The following TBC1D22A variants were observed in gnomAD, a reference collection of about 807,000 sequenced individuals.
TBC1D22A encodes the protein putative GTPase activator.
In TBC1D22A, 38 loss-of-function variants were observed where a neutral mutation model predicts 60.2. That is an observed-to-expected ratio of 0.63 (90% confidence interval 0.49 to 0.83). The LOEUF is 0.83. TBC1D22A is among the 40% of genes least tolerant of loss of function. The pLI, the probability that TBC1D22A is intolerant of heterozygous loss-of-function variation, is 0.00. For missense variants in TBC1D22A, 628 were observed against 701.0 expected (o/e 0.90, Z 1.18); for synonymous variants, 302 against 281.7 (o/e 1.07, Z -0.72).
chr22:46,800,372 G>T (rs1345058029), intron 4 of TBC1D22A, among the ~76,000 whole-genome samples: 5 of 152,078 alleles, frequency 3.3e-5, no homozygotes, highest in African/African-American at 1.2e-4. Context: ...AAGGTAGATC[G>T]TGCTTACGGG....
At chr22:47,068,200 T>A (rs2063844945) in intron 11 of TBC1D22A, among the ~76,000 whole-genome samples, 1 of 152,232 alleles carries the variant, frequency 6.6e-6, no homozygotes, top group African/African-American at 2.4e-5. Context: ...GACCCTTGAC[T>A]GGGGTAGCCA....
chr22:47,048,428 C>G (rs1006289207), intron 11 of TBC1D22A, among the ~76,000 whole-genome samples: 1 of 152,136 alleles, frequency 6.6e-6, no homozygotes, highest in Non-Finnish European at 1.5e-5. Flanking sequence ...CGTCACTTGC[C>G]GAGACGGTGC....
intron 12 of TBC1D22A, among the ~76,000 whole-genome samples, chr22:47,134,334 C>T (rs1291296000): frequency 6.6e-6 from 1 of 152,220 alleles, no homozygotes; most frequent in Non-Finnish European, 1.5e-5. Flanking sequence ...ACTTTGCAGC[C>T]TTTTCAGGAC....
intron 12 of TBC1D22A, among the ~76,000 whole-genome samples, chr22:47,135,647 G>A (rs2066837955): frequency 6.6e-6 from 1 of 152,250 alleles, no homozygotes; most frequent in Non-Finnish European, 1.5e-5. Context: ...GCCATGGTGG[G>A]GAGGAGTTGA....
chr22:46,880,907 G>A (rs929908411), intron 5 of TBC1D22A, among the ~76,000 whole-genome samples: 4 of 152,134 alleles, frequency 2.6e-5, no homozygotes, highest in African/African-American at 7.2e-5. Flanking sequence ...AAAGCTTGTC[G>A]TTGCAAATGT....
At chr22:46,770,955 G>A (rs907244872) in intron 1 of TBC1D22A, among the ~76,000 whole-genome samples, 3 of 152,180 alleles carry the variant, frequency 2.0e-5, no homozygotes, top group Non-Finnish European at 2.9e-5. Flanking sequence ...GACGGGGGCC[G>A]CGGAAGAGCT....
intron 4 of TBC1D22A, among the ~76,000 whole-genome samples, chr22:46,848,830 G>A (rs1469891268): frequency 6.6e-6 from 1 of 151,776 alleles, no homozygotes; most frequent in Admixed American, 6.6e-5. Flanking sequence ...TTTTCCTTTG[G>A]TGTTTCTTTG....
At chr22:46,932,800 C>T (rs2071431204) in intron 8 of TBC1D22A, among the ~76,000 whole-genome samples, 1 of 142,236 alleles carries the variant, frequency 7.0e-6, no homozygotes, top group Non-Finnish European at 1.5e-5. Flanking sequence ...TCTTGGCTCA[C>T]TGCAACCTCT....
intron 11 of TBC1D22A, among the ~76,000 whole-genome samples, chr22:47,079,910 G>A (rs1450116047): frequency 6.6e-6 from 1 of 152,118 alleles, no homozygotes; most frequent in Non-Finnish European, 1.5e-5. Context: ...GTAATAACAT[G>A]GATAGAAAAA....
chr22:47,058,265 G>T (rs1219811052), intron 11 of TBC1D22A, among the ~76,000 whole-genome samples: 2 of 152,138 alleles, frequency 1.3e-5, no homozygotes, highest in Non-Finnish European at 2.9e-5. Flanking sequence ...CCCATGCCGT[G>T]CAGGCCTGGA....
At chr22:46,804,751 A>G (rs1241673041) in intron 4 of TBC1D22A, among the ~76,000 whole-genome samples, 1 of 152,226 alleles carries the variant, frequency 6.6e-6, no homozygotes, top group Non-Finnish European at 1.5e-5. Context: ...GAAACCTTTC[A>G]CTGTTCCTTC....
At position 47,051,197 on chromosome 22, in the gene TBC1D22A, G is replaced by T. The variant is rs183075053; in HGVS notation, c.1329+13999G>T. On this transcript the variant is annotated intron_variant, in intron 11 of 12. Coordinates refer to ENST00000337137, the MANE Select transcript of TBC1D22A (RefSeq NM_014346.5). ...GGAGCAGGGAGGAGTTCCCACCTCA[G>T]CTTCAGCAGAACATTCCAGTAATGT... 1.8e-3 allele frequency among the ~76,000 whole-genome samples: 274 copies of T among 152,282 alleles called. 1 individual carries two copies. The highest frequency in any genetic ancestry group is 5.3e-3 in the African/African-American group (221 of 41,562).
chr22:47,126,358 T>C (rs917611111), intron 12 of TBC1D22A, among the ~76,000 whole-genome samples: 3 of 152,230 alleles, frequency 2.0e-5, no homozygotes, highest in African/African-American at 7.2e-5. Flanking sequence ...CCCCTTCCCC[T>C]GTGGTTCCTG....
chr22:47,093,181 G>A (rs2065044769), intron 11 of TBC1D22A, among the ~76,000 whole-genome samples: 1 of 152,152 alleles, frequency 6.6e-6, no homozygotes, highest in South Asian at 2.1e-4. Context: ...GCGTGTGCAG[G>A]CGGTGCGGTA....
chr22:47,011,292 A>G (rs1022132043), intron 10 of TBC1D22A, among the ~76,000 whole-genome samples: 2 of 152,130 alleles, frequency 1.3e-5, no homozygotes, highest in African/African-American at 4.8e-5. Context: ...CGCAGCCTGC[A>G]GCTGTGCCTG....
At chr22:46,939,770 A>G (rs986907882) in intron 8 of TBC1D22A, among the ~76,000 whole-genome samples, 2 of 152,228 alleles carry the variant, frequency 1.3e-5, no homozygotes, top group African/African-American at 4.8e-5. Flanking sequence ...AGGAGCTAAA[A>G]CCGATTAGAG....
At chr22:47,056,759 C>G (rs539504271) in intron 11 of TBC1D22A, among the ~76,000 whole-genome samples, 1 of 152,356 alleles carries the variant, frequency 6.6e-6, no homozygotes, top group East Asian at 1.9e-4. Context: ...CCAGCAGGAA[C>G]TGTCTGAGCA....
intron 4 of TBC1D22A, among the ~76,000 whole-genome samples, chr22:46,873,198 A>G (rs1413072638): frequency 6.6e-6 from 1 of 152,238 alleles, no homozygotes; most frequent in Non-Finnish European, 1.5e-5. Context: ...TGAATAATAA[A>G]ATTTTGAACA....
chr22:47,066,517 G>T (rs926556880), intron 11 of TBC1D22A, among the ~76,000 whole-genome samples: 1 of 152,246 alleles, frequency 6.6e-6, no homozygotes, highest in Non-Finnish European at 1.5e-5. Flanking sequence ...CCCTCTGTTT[G>T]CATCCCTTGG....
Sources: allele counts gnomAD v4.1 joint callset (sites outside exome capture counted in the v4.1 genomes callset), GRCh38; gene constraint gnomAD v4.1.1; transcripts MANE v1.5; gene names NCBI Gene and HGNC (gene_info 2026-07-23, HGNC 2026-07-21).